Variants in RNF2 observed in about 807,000 individuals in gnomAD.
RNF2 encodes ring finger protein 2, also known as E3 ubiquitin-protein ligase RING2.
A neutral mutation model predicts 37.2 loss-of-function variants in RNF2; 6 were observed. The observed-to-expected ratio is 0.16, with a 90% confidence interval of 0.09 to 0.32. RNF2 has a LOEUF of 0.32. RNF2 is among the 10% of genes least tolerant of loss of function. The pLI is 1.00. For synonymous variants in RNF2, 133 were observed against 132.7 expected (o/e 1.00, Z -0.02); for missense variants, 251 against 404.0 (o/e 0.62, Z 3.25).
intron 1 of RNF2, among the ~76,000 whole-genome samples, chr1:185,072,378 A>G (rs1006721814): frequency 1.3e-5 from 2 of 152,150 alleles, no homozygotes; most frequent in Admixed American, 6.5e-5. Flanking sequence ...ACTATATGCC[A>G]GGTACAGTGC....
At chr1:185,079,993 A>G (rs1238941617) in intron 1 of RNF2, among the ~76,000 whole-genome samples, 2 of 151,976 alleles carry the variant, frequency 1.3e-5, no homozygotes, top group East Asian at 1.9e-4. Flanking sequence ...ATAGGCCCCC[A>G]GTAGACCTAG....
intron 1 of RNF2, among the ~76,000 whole-genome samples, chr1:185,085,871 C>G (rs555571279): frequency 3.9e-5 from 6 of 152,022 alleles, no homozygotes; most frequent in Admixed American, 1.3e-4. Flanking sequence ...AGGCTGGTCT[C>G]GAACTCCTCA....
intron 1 of RNF2, among the ~76,000 whole-genome samples, chr1:185,083,523 G>T (rs1651491142): frequency 6.6e-6 from 1 of 152,070 alleles, no homozygotes; most frequent in African/African-American, 2.4e-5. Context: ...TTCCCACTCA[G>T]GGTCTCTCCT....
intron 1 of RNF2, among the ~76,000 whole-genome samples, chr1:185,064,575 A>G (rs901974100): frequency 1.3e-5 from 2 of 152,220 alleles, no homozygotes; most frequent in Non-Finnish European, 2.9e-5. Flanking sequence ...CTTTAAGCTT[A>G]TATTTTCAAC....
intron 1 of RNF2, chr1:185,046,242 A>G (rs1650116374): frequency 6.6e-6 from 1 of 151,762 alleles, no homozygotes; most frequent in Non-Finnish European, 1.5e-5. Flanking sequence ...AGCTTCACAC[A>G]TTCCTGGAGT....
At chr1:185,098,031 TAA>T (rs1651960881) in intron 4 of RNF2, 39 bp from the exon 5 acceptor site, 1 of 1,600,818 alleles carries the variant, frequency 6.2e-7, no homozygotes, top group Non-Finnish European at 8.5e-7. Flanking sequence ...TTTAAAGGCC[TAA>T]AAGTAAATTT....
chr1:185,053,330 T>C (rs1416836933), intron 1 of RNF2, among the ~76,000 whole-genome samples: 1 of 151,732 alleles, frequency 6.6e-6, no homozygotes, highest in Non-Finnish European at 1.5e-5. Flanking sequence ...ATTTTCCTTT[T>C]TTTCTTTTTC....
chr1:185,051,833 A>G (rs1571290798), intron 1 of RNF2, among the ~76,000 whole-genome samples: 1 of 144,904 alleles, frequency 6.9e-6, no homozygotes, highest in Non-Finnish European at 1.5e-5. Context: ...CATTTTATGT[A>G]TATATGTATA....
chr1:185,093,141 T>A lies in RNF2; in HGVS notation c.329T>A (p.Ile110Asn). 1 of 1,613,980 alleles carries A rather than the reference T, an allele frequency of 6.2e-7. No individual in the cohort carries two copies. The highest frequency in any genetic ancestry group is 8.5e-7 in the Non-Finnish European group (1 of 1,179,932). ...LRPDPNFDAL[I>N]SKIYPSRDEY... ...CCAGACCCAAACTTTGATGCACTCA[T>A]CAGCAAAATTTATCCAAGTCGTGAT... is the stretch of plus-strand genomic sequence containing the variant. The change falls in exon 4 of 7, where the codon ATC becomes AAC. Residue 110 changes from isoleucine to asparagine, a missense_variant. By Grantham distance (149) the Ile-to-Asn change is moderately radical. This residue lies in a region of RNF2 where 33 missense variants were observed against 46.8 expected (regional missense o/e 0.71). Coordinates refer to ENST00000367510, the MANE Select transcript of RNF2 (RefSeq NM_007212.4).
Position 185,077,626 on chromosome 1 carries a change from T to TTTTTTTTTTTTTG in RNF2, c.-2-9925_-2-9913dup, listed in dbSNP as rs1491258420. On this transcript the variant is annotated intron_variant, in intron 1 of 6. Coordinates refer to ENST00000367510, the MANE Select transcript of RNF2 (RefSeq NM_007212.4). ...TTTTAATTGTTAGGAATTAACTTTG[T>TTTTTTTTTTTTTG]TTTTTTTTTTTTGGCTAGAAATTTA... Among the ~76,000 whole-genome samples the TTTTTTTTTTTTTG allele has an allele frequency of 2.0e-3, 212 of 105,934 alleles. 6 individuals carry two copies. The highest frequency in any genetic ancestry group is 8.2e-3 in the African/African-American group (208 of 25,402). 69.5% of individuals were successfully genotyped at this position (105,934 alleles called of 152,430 possible). A position where few individuals can be genotyped will look rare whatever the true frequency, so the allele number is the denominator to read the frequency against.
intron 1 of RNF2, among the ~76,000 whole-genome samples, chr1:185,077,628 T>TTTTTTTG (rs1341439104): frequency 6.6e-6 from 1 of 151,112 alleles, no homozygotes; most frequent in Non-Finnish European, 1.5e-5. Flanking sequence ...TAACTTTGTT[T>TTTTTTTG]TTTTTTTTTT....
At chr1:185,082,645 G>T (rs183708429) in intron 1 of RNF2, among the ~76,000 whole-genome samples, 424 of 152,070 alleles carry the variant, frequency 2.8e-3, no homozygotes, top group Non-Finnish European at 4.4e-3. Flanking sequence ...GTGAGCCACC[G>T]CACCCAGCCT....
intron 1 of RNF2, among the ~76,000 whole-genome samples, chr1:185,065,445 G>A (rs1267066156): frequency 1.3e-5 from 2 of 152,178 alleles, no homozygotes; most frequent in African/African-American, 4.8e-5. Context: ...AATAAATCTT[G>A]CTGCTGCTCA....
chr1:185,084,998 C>A (rs1651538152), intron 1 of RNF2, among the ~76,000 whole-genome samples: 1 of 152,066 alleles, frequency 6.6e-6, no homozygotes, highest in African/African-American at 2.4e-5. Flanking sequence ...TCTGCTGGAC[C>A]ACTCTACCTT....
intron 1 of RNF2, among the ~76,000 whole-genome samples, chr1:185,064,479 A>T (rs1650741146): frequency 6.6e-6 from 1 of 152,224 alleles, no homozygotes; most frequent in Admixed American, 6.5e-5. Context: ...TACAAAAGCA[A>T]TATGCATTCA....
At chr1:185,097,221 A>G (rs192277636) in intron 4 of RNF2, among the ~76,000 whole-genome samples, 13 of 152,348 alleles carry the variant, frequency 8.5e-5, no homozygotes, top group Admixed American at 3.9e-4. Context: ...TTGCCCGGTA[A>G]TTAGCTTTAG....
intron 1 of RNF2, among the ~76,000 whole-genome samples, chr1:185,066,251 C>A (rs770152890): frequency 1.3e-5 from 2 of 152,158 alleles, no homozygotes; most frequent in African/African-American, 2.4e-5. Flanking sequence ...CCTCACTGAT[C>A]TAGTTCACAT....
intron 3 of RNF2, among the ~76,000 whole-genome samples, chr1:185,092,566 C>T (rs537281132): frequency 2.0e-5 from 3 of 152,176 alleles, no homozygotes; most frequent in South Asian, 2.1e-4. Context: ...GTATTGAAAT[C>T]GCTGATTTTT....
In RNF2 at chr1:185,098,341, C is replaced by G. The variant is rs1404122501; in HGVS notation, c.734C>G (p.Thr245Arg). 3 of 1,613,308 alleles carry G rather than the reference C, an allele frequency of 1.9e-6. No homozygotes were observed. The African/African-American group carries it at 4.0e-5, about 22-fold the overall frequency. ...ATGGAAAAAGATGACAGTGCACAGA[C>G]GAGGTAAGTGTGTGGATTAGTTTCA... ...TLMEKDDSAQ[T>R]RYIKTSGNAT... Residue 245 changes from threonine (T) to arginine (R), a missense_variant, in exon 5 of 7, where the codon ACG becomes AGG. By Grantham distance (71) the Thr-to-Arg change is moderately conservative. Transcript: ENST00000367510.
Sources: gnomAD v4.1 joint callset for allele counts (sites outside exome capture counted in the v4.1 genomes callset) on GRCh38, gnomAD v4.1.1 for gene constraint, gnomAD v4.1.1 regional missense constraint, MANE v1.5 for transcripts, NCBI Gene and HGNC (gene_info 2026-07-23, HGNC 2026-07-21) for gene names.